GCDH: variants seen among roughly 807,000 people sequenced by gnomAD.
The protein encoded by GCDH is glutaryl-CoA dehydrogenase.
Under a neutral mutation model 52.8 loss-of-function variants are expected in GCDH, and 31 were observed. That is an observed-to-expected ratio of 0.59 (90% CI 0.44 to 0.79). GCDH has a LOEUF of 0.79. Among genes scored for constraint, GCDH ranks in the 30% least tolerant of loss-of-function variants. The pLI is 0.00. For synonymous variants in GCDH, 242 were observed against 250.0 expected, an observed-to-expected ratio of 0.97 and a Z score of 0.30; for missense variants, 509 against 595.0, an observed-to-expected ratio of 0.86 and a Z score of 1.50.
At position 12,896,269 on chromosome 19, in the gene GCDH, C is replaced by T. The variant is rs964724051; in HGVS notation, c.700C>T (p.Arg234Trp). The part of the protein sequence containing the change: ...VWARCEDGCI[R>W]GFLLEKGMRG... ...GGCTCGGTGTGAAGATGGCTGCATT[C>T]GGGGCTTCCTGCTGGAGAAGGGGAT... Residue 234 changes from arginine to tryptophan, a missense_variant, in exon 8 of 12, where the codon CGG (arginine) becomes TGG (tryptophan). Physicochemically the swap from Arg to Trp is moderately radical, Grantham distance 101. Transcript: ENST00000222214. This position sits in a 1 kb window ranked among gnomAD's most constrained non-coding sequence, Gnocchi z 5.5. The T allele has an allele frequency of 1.2e-6, 2 of 1,611,954 alleles. No individual in the cohort carries two copies. Among genetic ancestry groups the T allele is most frequent in the Admixed American group, 1.7e-5 (1 of 59,802 alleles).
Position 12,892,155 on chromosome 19 carries a change from G to T in GCDH, c.311G>T (p.Gly104Val). The T allele has an allele frequency of 4.3e-6, 7 of 1,614,182 alleles. No individual in the cohort carries two copies. The highest frequency in any genetic ancestry group is 5.9e-6 in the Non-Finnish European group (7 of 1,180,006). ...ATCATTTCGGAGATGGGGGAGTTGG[G>T]TGTGCTGGGCCCCACCATCAAAGGT... ...REIISEMGELGVLGPTIKGYG... is the reference protein window; with the variant it reads ...REIISEMGELVVLGPTIKGYG... Residue 104 changes from glycine to valine, a missense_variant, in exon 5 of 12, where the codon GGT (glycine) becomes GTT (valine). Coordinates refer to ENST00000222214, the MANE Select transcript of GCDH (RefSeq NM_000159.4).
In GCDH at chr19:12,894,232, A is replaced by G. The variant is rs775446482; in HGVS notation, c.505+579A>G. ...TACTTTTTATGAGAAGCGTATGGCCACAGAAGTTGCTGTTGACGCTCTGGG... is the reference window on the plus strand; with the variant it reads ...TACTTTTTATGAGAAGCGTATGGCCGCAGAAGTTGCTGTTGACGCTCTGGG... On this transcript the variant is annotated intron_variant, in intron 6 of 11. Transcript: ENST00000222214. 4.2e-6 allele frequency: 5 copies of G among 1,203,284 alleles called. No homozygotes were observed. In the Admixed American group the frequency reaches 6.7e-5, roughly 16 times the overall value. 74.5% of individuals were successfully genotyped at this position (1,203,284 alleles called of 1,614,324 possible). A position where few individuals can be genotyped will look rare whatever the true frequency, so the allele number is the denominator to read the frequency against.
chr19:12,896,816 C>A lies in GCDH; in HGVS notation c.853-94C>A. ...ACCTGAGTCCCCCTGCGTGGGGTGGCTGGGGAGGAGGCTTTCCCTGCTTCA... is the reference window on the plus strand; with the variant it reads ...ACCTGAGTCCCCCTGCGTGGGGTGGATGGGGAGGAGGCTTTCCCTGCTTCA... On this transcript the variant is annotated intron_variant, in intron 8 of 11. Transcript: ENST00000222214. The surrounding 1 kb of genome is among the most constrained non-coding windows in gnomAD (Gnocchi z 5.5). The A allele has an allele frequency of 1.2e-6, 1 of 860,378 alleles. No homozygotes were observed. Among genetic ancestry groups the A allele is most frequent in the Admixed American group, 1.9e-5 (1 of 52,604 alleles). 53.3% of individuals were successfully genotyped at this position (860,378 alleles called of 1,614,324 possible).
chr19:12,892,037 C>G, intron 4 of GCDH, 63 bp downstream of exon 4: 1 of 1,613,522 alleles, frequency 6.2e-7, no homozygotes, highest in Non-Finnish European at 8.5e-7. Context: ...CACCCCACCT[C>G]AAGGCCCCTC....
At position 12,896,039 on chromosome 19, in the gene GCDH, G is replaced by C; in HGVS notation, c.553G>C (p.Gly185Arg). Residue 185 changes from glycine to arginine, a missense_variant, in exon 7 of 12, where the codon GGA (glycine) becomes CGA (arginine). Transcript: ENST00000222214. The surrounding 1 kb of genome is among the most constrained non-coding windows in gnomAD (Gnocchi z 5.5). ...GCFGLTEPNS[G>R]SDPSSMETRA... ...CTTCGGGCTCACAGAGCCCAACAGCGGAAGTGACCCCAGCAGCATGGAGAC... is the reference window on the plus strand; with the variant it reads ...CTTCGGGCTCACAGAGCCCAACAGCCGAAGTGACCCCAGCAGCATGGAGAC... 6.2e-7 allele frequency: 1 copy of C among 1,614,050 alleles called. No individual in the cohort carries two copies. Among genetic ancestry groups the C allele is most frequent in the Non-Finnish European group, 8.5e-7 (1 of 1,179,966 alleles).
rs1436960118 is a variant in GCDH at position 12,893,625 on chromosome 19, ACAG to A, written c.479_481del (p.Gln160del). 6.2e-7 allele frequency: 1 copy of A among 1,614,046 alleles called. No individual in the cohort carries two copies. The highest frequency in any genetic ancestry group is 8.5e-7 in the Non-Finnish European group (1 of 1,179,994). The stretch of plus-strand genomic sequence containing the variant: ...CTATCTATGCCTATGGCAGCGAGGA[ACAG>A]CGGCAGAAGTACCTGCCCCAGCTGG... On this transcript the variant is annotated inframe_deletion, in exon 6 of 12. Coordinates refer to ENST00000222214, the MANE Select transcript of GCDH (RefSeq NM_000159.4).
chr19:12,895,162 C>G (rs1251904293), intron 6 of GCDH, among the ~76,000 whole-genome samples: 1 of 152,190 alleles, frequency 6.6e-6, no homozygotes, highest in African/African-American at 2.4e-5. Context: ...TCCCCCTCCC[C>G]ATCTTGGCAT....
intron 5 of GCDH, 106 bp downstream of exon 5, chr19:12,892,284 CCTTTT>C: frequency 6.0e-6 from 6 of 1,004,920 alleles, no homozygotes; most frequent in Non-Finnish European, 9.3e-6. Context: ...CTTTTCTTTT[CCTTTT>C]CTTTCCTTTC....
chr19:12,899,087 T>C, intron 11 of GCDH: 1 of 543,880 alleles, frequency 1.8e-6, no homozygotes, highest in South Asian at 2.1e-5. Flanking sequence ...AGGTTGAAAA[T>C]CAAACATTTA....
In GCDH at chr19:12,898,092, C is replaced by T; in HGVS notation, c.1243+229C>T. The T allele has an allele frequency of 5.3e-6, 3 of 561,464 alleles. No homozygotes were observed. The South Asian group carries it at 5.9e-5, about 11-fold the overall frequency. The allele number at this position is 561,464 out of a possible 1,614,324, so 34.8% of individuals were successfully genotyped here. On this transcript the variant is annotated intron_variant, in intron 11 of 11. Coordinates refer to ENST00000222214, the MANE Select transcript of GCDH (RefSeq NM_000159.4). ...AGGCCCCATCAGGCCTTGCGAGGGG[C>T]TCCCAGCTCTTTCTCCCACATGCTC... is the stretch of plus-strand genomic sequence containing the variant.
intron 6 of GCDH, 112 bp from the exon 7 acceptor site, chr19:12,895,879 TA>T: frequency 7.4e-7 from 1 of 1,357,106 alleles, no homozygotes; most frequent in Non-Finnish European, 1.0e-6. Flanking sequence ...CTTGGCCTCC[TA>T]AAGTGCTGGG....
At chr19:12,894,076 G>T in intron 6 of GCDH, 1 of 757,288 alleles carries the variant, frequency 1.3e-6, no homozygotes, top group Non-Finnish European at 2.2e-6. Context: ...TGTGACCTGC[G>T]CTAAGTGGAC....
Position 12,896,690 on chromosome 19 carries a change from C to CT in GCDH, c.853-219dup, listed in dbSNP as rs1215828002. Reference sequence around the variant, plus strand: ...TCTGGCATCCGTCAGCCTCCTGGCTCTGAGCATCGAACCCAGATGCCAGGC... The same window carrying CT: ...TCTGGCATCCGTCAGCCTCCTGGCTCTTGAGCATCGAACCCAGATGCCAGGC... On this transcript the variant is annotated intron_variant, in intron 8 of 11. Coordinates refer to ENST00000222214, the MANE Select transcript of GCDH (RefSeq NM_000159.4). This position sits in a 1 kb window ranked among gnomAD's most constrained non-coding sequence, Gnocchi z 5.5. Among the ~76,000 whole-genome samples the CT allele has an allele frequency of 1.3e-5, 2 of 152,228 alleles. No individual in the cohort carries two copies. Among genetic ancestry groups the CT allele is most frequent in the Non-Finnish European group, 2.9e-5 (2 of 68,042 alleles).
In GCDH at chr19:12,897,698, C is replaced by A; in HGVS notation, c.1083-5C>A. 2 of 1,613,958 alleles carry A rather than the reference C, an allele frequency of 1.2e-6. No homozygotes were observed. The highest frequency in any genetic ancestry group is 1.7e-6 in the Non-Finnish European group (2 of 1,179,966). On this transcript the variant is annotated splice_polypyrimidine_tract_variant and splice_region_variant and intron_variant, in intron 10 of 11. Coordinates refer to ENST00000222214, the MANE Select transcript of GCDH (RefSeq NM_000159.4). ...GTCCTTGTTACCCTCATGTGCCACT[C>A]CCAGGGCTGCCCCCGAGATGGTTTC...
chr19:12,899,883 C>T lies in GCDH; in HGVS notation c.*342C>T. On this transcript the variant is annotated 3_prime_UTR_variant, in exon 12 of 12. Coordinates refer to ENST00000222214, the MANE Select transcript of GCDH (RefSeq NM_000159.4). Reference sequence around the variant, plus strand: ...CCCTCACACTGAGTTCACAGTGCGCCCTCCCTCCCTCCCATCTGGGGGTAG... The same window carrying T: ...CCCTCACACTGAGTTCACAGTGCGCTCTCCCTCCCTCCCATCTGGGGGTAG... 3 of 1,581,080 alleles carry T rather than the reference C, an allele frequency of 1.9e-6. No homozygotes were observed.
Position 12,899,530 on chromosome 19 carries a change from G to A in GCDH, c.1306G>A (p.Ala436Thr). The change falls in exon 12 of 12, where the codon GCC (alanine) becomes ACC (threonine). Residue 436 changes from alanine (A) to threonine (T), a missense_variant. Coordinates refer to ENST00000222214, the MANE Select transcript of GCDH (RefSeq NM_000159.4). ...RAITGIQAFT[A>T]SK Reference sequence around the variant, plus strand: ...TATCACGGGAATCCAGGCGTTCACGGCCAGCAAGTGAGCCGCTCCATCAGG... The same window carrying A: ...TATCACGGGAATCCAGGCGTTCACGACCAGCAAGTGAGCCGCTCCATCAGG... 1 of 1,614,160 alleles carries A rather than the reference G, an allele frequency of 6.2e-7. No homozygotes were observed.
rs1298214468 is a variant in GCDH, at chr19:12,899,780, G to A, written c.*239G>A. ...CCACTTTTAACCATGGATGAGAGCA[G>A]ACTCCATTTACCCTGAAATAGCAGC... On this transcript the variant is annotated 3_prime_UTR_variant, in exon 12 of 12. Coordinates refer to ENST00000222214, the MANE Select transcript of GCDH (RefSeq NM_000159.4). The A allele has an allele frequency of 6.2e-7, 1 of 1,601,754 alleles. No individual in the cohort carries two copies. Among genetic ancestry groups the A allele is most frequent in the South Asian group, 1.1e-5 (1 of 90,008 alleles).
At position 12,896,527 on chromosome 19, in the gene GCDH, C is replaced by T; in HGVS notation, c.852+106C>T. The T allele has an allele frequency of 1.1e-6, 1 of 882,084 alleles. No homozygotes were observed. Among genetic ancestry groups the T allele is most frequent in the Non-Finnish European group, 1.8e-6 (1 of 548,562 alleles). The allele number at this position is 882,084 out of a possible 1,614,324, so 54.6% of individuals were successfully genotyped here. ...CGGCTCCCTGTGCCTGTGGAGCCCA[C>T]ACAGTGGTGATTCTTACTCAGCCGG... On this transcript the variant is annotated intron_variant, in intron 8 of 11. Transcript: ENST00000222214. The surrounding 1 kb of genome is among the most constrained non-coding windows in gnomAD (Gnocchi z 5.5).
chr19:12,891,835 G>A lies in GCDH; in HGVS notation c.132G>A (p.Ser44=), dbSNP rs1970563649. ...GAGGCGAATTCCCCTTCCCAGCCTC[G>A]CGTCCCGAGTTTGACTGGCAGGACC... ...GRTQSQLAKS[S]RPEFDWQDPL... The change falls in exon 4 of 12, where the codon TCG becomes TCA. Residue 44 remains serine (S), a synonymous_variant. Transcript: ENST00000222214. 2 of 1,613,844 alleles carry A rather than the reference G, an allele frequency of 1.2e-6. No individual in the cohort carries two copies. The highest frequency in any genetic ancestry group is 1.3e-5 in the African/African-American group (1 of 74,916).
Sources: allele counts gnomAD v4.1 joint callset (sites outside exome capture counted in the v4.1 genomes callset), GRCh38; gene constraint gnomAD v4.1.1; non-coding constraint Gnocchi (gnomAD v3.1); transcripts MANE v1.5; gene names NCBI Gene and HGNC (gene_info 2026-07-23, HGNC 2026-07-21).